The following MGRN1 variants were observed in gnomAD, a reference collection of about 807,000 sequenced individuals.
MGRN1 encodes E3 ubiquitin-protein ligase MGRN1.
In MGRN1, 29 loss-of-function variants were observed where a neutral mutation model predicts 69.2. The observed-to-expected ratio is 0.42, with a 90% CI of 0.31 to 0.57. The LOEUF is 0.57. Ranked by LOEUF, MGRN1 falls within the 20% of genes least tolerant of loss-of-function variation. The pLI is 0.15. For synonymous variants in MGRN1, 470 were observed against 344.2 expected (o/e 1.37, Z -4.04); for missense variants, 998 against 796.2 (o/e 1.25, Z -3.05).
At chr16:4,675,753 A>G (rs2079040538) in intron 10 of MGRN1, among the ~76,000 whole-genome samples, 1 of 151,470 alleles carries the variant, frequency 6.6e-6, no homozygotes, top group African/African-American at 2.4e-5. Context: ...AAAAAAAATT[A>G]TAGCGAAGTG....
At chr16:4,660,845 C>T (rs866211231) in intron 5 of MGRN1, among the ~76,000 whole-genome samples, 19 of 152,272 alleles carry the variant, frequency 1.2e-4, no homozygotes, top group Admixed American at 5.2e-4. Context: ...CCTGACAGGC[C>T]CCCCAGACCG....
intron 2 of MGRN1, chr16:4,651,121 AAAAG>A (rs1031868610): frequency 5.9e-5 from 9 of 152,170 alleles, no homozygotes; most frequent in African/African-American, 2.2e-4. Context: ...AAAAAAAAAA[AAAAG>A]AATATTTACT....
At chr16:4,673,410 G>T in intron 9 of MGRN1, 88 bp from the exon 10 acceptor site, 3 of 1,515,108 alleles carry the variant, frequency 2.0e-6, no homozygotes, top group Non-Finnish European at 2.7e-6. Flanking sequence ...GGGTAGGGTG[G>T]AGTGGGGTGG....
intron 10 of MGRN1, among the ~76,000 whole-genome samples, chr16:4,675,560 G>A (rs1376879248): frequency 6.6e-6 from 1 of 152,038 alleles, no homozygotes; most frequent in East Asian, 1.9e-4. Flanking sequence ...GCAACATGGC[G>A]AAACCCCATC....
chr16:4,640,190 C>T (rs906700973), intron 1 of MGRN1: 1 of 152,278 alleles, frequency 6.6e-6, no homozygotes, highest in African/African-American at 2.4e-5. Flanking sequence ...CAAGACGGGC[C>T]CAGAAGGCTT....
chr16:4,684,342 C>T (rs1290204201), intron 16 of MGRN1, among the ~76,000 whole-genome samples: 4 of 152,200 alleles, frequency 2.6e-5, no homozygotes, highest in African/African-American at 9.7e-5. Context: ...CGTGGGCCCA[C>T]AGGCCCCATG....
At position 4,681,570 on chromosome 16, in the gene MGRN1, T is replaced by C. The variant is rs774797472; in HGVS notation, c.1152T>C (p.Pro384=). The change falls in exon 13 of 17, where the codon CCT becomes CCC. Residue 384 remains proline, a synonymous_variant. Transcript: ENST00000262370. ...TACAGAACTCTGACAGCGTCCCACC[T>C]GGCTACGAGCCCATCTCGCTGCTCG... is the stretch of plus-strand genomic sequence containing the variant. The part of the protein sequence containing the change: ...KRETNSDSVP[P]GYEPISLLEA... 6.2e-7 allele frequency: 1 copy of C among 1,613,164 alleles called. No homozygotes were observed. Among genetic ancestry groups the C allele is most frequent in the Non-Finnish European group, 8.5e-7 (1 of 1,179,782 alleles).
At chr16:4,664,896 A>T (rs2078765449) in intron 6 of MGRN1, 121 bp downstream of exon 6, 2 of 1,383,110 alleles carry the variant, frequency 1.4e-6, no homozygotes, top group Non-Finnish European at 2.0e-6. Flanking sequence ...TGGGCTTCCC[A>T]CAGGGCAGGG....
At chr16:4,670,147 C>G (rs899471000) in intron 8 of MGRN1, among the ~76,000 whole-genome samples, 7 of 152,086 alleles carry the variant, frequency 4.6e-5, no homozygotes, top group African/African-American at 7.3e-5. Flanking sequence ...TCACTTCAAC[C>G]TCTGTCTCCC....
chr16:4,656,537 G>C (rs2078542217), intron 4 of MGRN1, among the ~76,000 whole-genome samples: 1 of 152,222 alleles, frequency 6.6e-6, no homozygotes, highest in Non-Finnish European at 1.5e-5. Flanking sequence ...CGTGAGGGTT[G>C]GGGAAGATGC....
intron 1 of MGRN1, among the ~76,000 whole-genome samples, chr16:4,628,689 T>C (rs534003130): frequency 6.6e-6 from 1 of 152,080 alleles, no homozygotes; most frequent in East Asian, 1.9e-4. Flanking sequence ...GGATTACAGG[T>C]GCGCACCACC....
chr16:4,625,147 C>G (rs1750713221), intron 1 of MGRN1, 99 bp downstream of exon 1: 1 of 1,149,810 alleles, frequency 8.7e-7, no homozygotes, highest in Non-Finnish European at 1.2e-6. Context: ...CCCTGCTCGG[C>G]CCCCTCCGGG....
intron 10 of MGRN1, among the ~76,000 whole-genome samples, chr16:4,674,626 C>CTTTCTTTT (rs2079014994): frequency 1.1e-3 from 53 of 47,272 alleles, no homozygotes; most frequent in African/African-American, 4.5e-3. Context: ...CTTTTCTTTT[C>CTTTCTTTT]TTTTTTTTTT....
chr16:4,651,803 C>T (rs149685527), intron 2 of MGRN1, among the ~76,000 whole-genome samples, 160 bp from the exon 3 acceptor site: 24 of 152,210 alleles, frequency 1.6e-4, no homozygotes, highest in African/African-American at 5.5e-4. Flanking sequence ...TGGCCTGCAG[C>T]TTCTACCTGT....
intron 9 of MGRN1, among the ~76,000 whole-genome samples, chr16:4,672,672 G>A (rs2078966164): frequency 6.6e-6 from 1 of 152,252 alleles, no homozygotes; most frequent in African/African-American, 2.4e-5. Context: ...AAATGAGTGG[G>A]TGTGGCGGTG....
At chr16:4,627,631 CA>C (rs1341013155) in intron 1 of MGRN1, among the ~76,000 whole-genome samples, 6 of 151,110 alleles carry the variant, frequency 4.0e-5, no homozygotes, top group Admixed American at 6.6e-5. Context: ...ACTAAAAATA[CA>C]AAAAAATTTA....
At chr16:4,654,455 G>A (rs2078484671) in intron 4 of MGRN1, among the ~76,000 whole-genome samples, 1 of 152,390 alleles carries the variant, frequency 6.6e-6, no homozygotes, top group East Asian at 1.9e-4. Flanking sequence ...TTCAGCAGGA[G>A]CTGGCAGGAC....
intron 1 of MGRN1, among the ~76,000 whole-genome samples, chr16:4,631,802 A>G (rs754767765): frequency 1.6e-4 from 24 of 152,168 alleles, no homozygotes; most frequent in Non-Finnish European, 2.9e-4. Context: ...TACATTGGAT[A>G]TATAAATCTA....
At chr16:4,667,715 G>T (rs2078836129) in intron 7 of MGRN1, among the ~76,000 whole-genome samples, 1 of 152,242 alleles carries the variant, frequency 6.6e-6, no homozygotes, top group African/African-American at 2.4e-5. Context: ...TAACCTTGTT[G>T]AACTCTGAGC....
Sources: allele counts gnomAD v4.1 joint callset (sites outside exome capture counted in the v4.1 genomes callset), GRCh38; gene constraint gnomAD v4.1.1; transcripts MANE v1.5; gene names NCBI Gene and HGNC (gene_info 2026-07-23, HGNC 2026-07-21).